PARD3B: variants seen among roughly 807,000 people sequenced by gnomAD.
The protein encoded by PARD3B is par-3 family cell polarity regulator beta.
Under a neutral mutation model 130.2 loss-of-function variants are expected in PARD3B, and 103 were observed. That is an observed-to-expected ratio of 0.79 (90% CI 0.67 to 0.93). The LOEUF is 0.93. PARD3B is among the 40% of genes least tolerant of loss of function. The probability of loss-of-function intolerance (pLI) is 0.00; values close to 1 mark genes in which losing one functional copy is unlikely to be tolerated. For synonymous variants in PARD3B, 583 were observed against 553.2 expected, an observed-to-expected ratio of 1.05 and a Z score of -0.76; for missense variants, 1,609 against 1,499.2, an observed-to-expected ratio of 1.07 and a Z score of -1.21.
intron 2 of PARD3B, among the ~76,000 whole-genome samples, chr2:204,855,556 T>A (rs199963093): frequency 0.045 from 6,101 of 136,084 alleles, 224 homozygotes; most frequent in East Asian, 0.14. Flanking sequence ...AAAAAAAATA[T>A]ATATATATAT....
intron 3 of PARD3B, among the ~76,000 whole-genome samples, chr2:205,010,560 A>G (rs1355724489): frequency 1.3e-5 from 2 of 152,222 alleles, no homozygotes; most frequent in Admixed American, 1.3e-4. Context: ...TTTATTTCTA[A>G]GAAATTTTTC....
rs151271235 is a variant in PARD3B at position 205,525,766 on chromosome 2, T to C, written c.3180+25735T>C. Among the ~76,000 whole-genome samples the C allele has an allele frequency of 2.7e-3, 409 of 152,302 alleles. 8 individuals carry two copies. The highest frequency in any genetic ancestry group is 9.4e-3 in the African/African-American group (391 of 41,574). On this transcript the variant is annotated intron_variant, in intron 21 of 22. Transcript: ENST00000406610. The surrounding 1 kb of genome is among the most constrained non-coding windows in gnomAD (Gnocchi z 4.2). ...CATTTTGGTGACAAGTCCAGCTCAA[T>C]GAGAATCTCGACAAAGGGCCTGACT...
At chr2:204,611,059 G>A (rs1435334048) in intron 1 of PARD3B, among the ~76,000 whole-genome samples, 2 of 152,028 alleles carry the variant, frequency 1.3e-5, no homozygotes, top group African/African-American at 4.8e-5. Flanking sequence ...CTATATCCAG[G>A]TCAGTGAGAG....
intron 4 of PARD3B, among the ~76,000 whole-genome samples, chr2:205,083,393 C>T (rs1701551604): frequency 6.7e-6 from 1 of 149,346 alleles, no homozygotes; most frequent in African/African-American, 2.5e-5. Context: ...TAGTCTTAAA[C>T]TAAGTAAGAA....
chr2:205,338,179 G>T (rs76652912), intron 18 of PARD3B, among the ~76,000 whole-genome samples: 1 of 113,170 alleles, frequency 8.8e-6, no homozygotes, highest in African/African-American at 3.5e-5. Flanking sequence ...AAAAAAAAAA[G>T]GCTTCATGAG....
At chr2:205,118,426 C>T (rs2030181233) in intron 6 of PARD3B, among the ~76,000 whole-genome samples, 1 of 152,214 alleles carries the variant, frequency 6.6e-6, no homozygotes, top group East Asian at 1.9e-4. Context: ...GATCCAGCTT[C>T]CTTCTAAACT....
chr2:205,555,203 G>GTGTT (rs1025956435), intron 22 of PARD3B, among the ~76,000 whole-genome samples: 2 of 152,214 alleles, frequency 1.3e-5, no homozygotes, highest in African/African-American at 2.4e-5. Context: ...CAGAAATGGA[G>GTGTT]TGTTTGGGTA....
chr2:204,606,789 A>G lies in PARD3B; in HGVS notation c.120+60670A>G, dbSNP rs2033739102. 6.6e-6 allele frequency among the ~76,000 whole-genome samples: 1 copy of G among 152,182 alleles called. No homozygotes were observed. The highest frequency in any genetic ancestry group is 1.5e-5 in the Non-Finnish European group (1 of 68,026). ...AATGGAATTCAATTCAGTTAAGACT[A>G]CTGAGAGTCCTTTATATCTCGTTTG... is the stretch of plus-strand genomic sequence containing the variant. On this transcript the variant is annotated intron_variant, in intron 1 of 22. Coordinates refer to ENST00000406610, the MANE Select transcript of PARD3B (RefSeq NM_001302769.2). This position sits in a 1 kb window ranked among gnomAD's most constrained non-coding sequence, Gnocchi z 4.0.
chr2:204,966,085 A>C (rs1691215016), intron 3 of PARD3B, among the ~76,000 whole-genome samples: 1 of 152,242 alleles, frequency 6.6e-6, no homozygotes, highest in South Asian at 2.1e-4. Flanking sequence ...TCAAGCTAGA[A>C]GAACAGAGGC....
chr2:205,602,381 C>A (rs1049416714), intron 22 of PARD3B, among the ~76,000 whole-genome samples: 1 of 152,178 alleles, frequency 6.6e-6, no homozygotes, highest in Non-Finnish European at 1.5e-5. Context: ...TAGGATGATG[C>A]TAGCCTCATA....
intron 19 of PARD3B, among the ~76,000 whole-genome samples, chr2:205,436,875 T>G (rs1360791501): frequency 6.6e-6 from 1 of 152,110 alleles, no homozygotes; most frequent in Non-Finnish European, 1.5e-5. Flanking sequence ...AGGTTCATAC[T>G]TCTCTTTTCT....
intron 2 of PARD3B, among the ~76,000 whole-genome samples, chr2:204,696,419 C>A (rs2037614871): frequency 6.6e-6 from 1 of 151,938 alleles, no homozygotes. Context: ...AACCATATAC[C>A]AGACTCTTAA....
chr2:204,568,041 T>C (rs2031779973), intron 1 of PARD3B, among the ~76,000 whole-genome samples: 1 of 152,214 alleles, frequency 6.6e-6, no homozygotes, highest in African/African-American at 2.4e-5. Flanking sequence ...TTTGAAAAGA[T>C]TTAAAATACT....
chr2:205,572,551 C>A lies in PARD3B; in HGVS notation c.3260+19148C>A, dbSNP rs2053595889. Among the ~76,000 whole-genome samples the A allele has an allele frequency of 6.6e-6, 1 of 152,126 alleles. No individual in the cohort carries two copies. ...CCTGAGCTCAGGAGTTTGAGACCAC[C>A]CCAAACAACATGGTGAAACCTCATC... is the stretch of plus-strand genomic sequence containing the variant. On this transcript the variant is annotated intron_variant, in intron 22 of 22. Coordinates refer to ENST00000406610, the MANE Select transcript of PARD3B (RefSeq NM_001302769.2). This position sits in a 1 kb window ranked among gnomAD's most constrained non-coding sequence, Gnocchi z 4.2.
chr2:204,567,919 T>C (rs1164949490), intron 1 of PARD3B, among the ~76,000 whole-genome samples: 1 of 152,216 alleles, frequency 6.6e-6, no homozygotes. Flanking sequence ...GTGTCTAATC[T>C]CTTTTAAGGC....
intron 7 of PARD3B, among the ~76,000 whole-genome samples, chr2:205,119,654 C>T (rs544986038): frequency 1.6e-4 from 25 of 152,056 alleles, no homozygotes; most frequent in Middle Eastern, 3.4e-3. Context: ...TGGTGGTACG[C>T]GCCTGTAATC....
At chr2:204,870,294 T>G (rs1412330705) in intron 2 of PARD3B, among the ~76,000 whole-genome samples, 1 of 152,158 alleles carries the variant, frequency 6.6e-6, no homozygotes, top group Admixed American at 6.6e-5. Flanking sequence ...AGAATACCTC[T>G]TACTGTAACT....
chr2:204,721,240 A>G (rs2038982417), intron 2 of PARD3B, among the ~76,000 whole-genome samples: 1 of 152,204 alleles, frequency 6.6e-6, no homozygotes, highest in Non-Finnish European at 1.5e-5. Context: ...GACACTCAGC[A>G]GTAATAATTA....
At chr2:205,053,111 T>C (rs774504259) in intron 4 of PARD3B, among the ~76,000 whole-genome samples, 39 of 152,092 alleles carry the variant, frequency 2.6e-4, no homozygotes, top group Admixed American at 5.2e-4. Context: ...GCTAAGATAA[T>C]ATGATGACGT....
Sources: allele counts gnomAD v4.1 joint callset (sites outside exome capture counted in the v4.1 genomes callset), GRCh38; gene constraint gnomAD v4.1.1; non-coding constraint Gnocchi (gnomAD v3.1); transcripts MANE v1.5; gene names NCBI Gene and HGNC (gene_info 2026-07-23, HGNC 2026-07-21).